SHROOM2: variants seen among roughly 807,000 people sequenced by gnomAD.
The protein encoded by SHROOM2 is protein Shroom2.
A neutral mutation model predicts 75.9 loss-of-function variants in SHROOM2; 33 were observed. The ratio of observed to expected loss-of-function variants is 0.43; its 90% CI spans 0.33 to 0.58. SHROOM2 has a LOEUF of 0.58. SHROOM2 is among the 20% of genes least tolerant of loss of function. SHROOM2 has a pLI of 0.04. For missense variants in SHROOM2, 1,434 were observed against 1,461.2 expected, an observed-to-expected ratio of 0.98 and a Z score of 0.30; for synonymous variants, 655 against 663.6, an observed-to-expected ratio of 0.99 and a Z score of 0.20.
intron 1 of SHROOM2, among the ~76,000 whole-genome samples, chrX:9,828,134 G>T (rs1003384062): frequency 2.7e-5 from 3 of 112,868 alleles, no homozygotes; most frequent in South Asian, 3.6e-4. Context: ...CACATCTTAC[G>T]TGGCAGCAGT....
chrX:9,787,992 C>CTTTTTTTTTTTTTTTTT (rs58004470), intron 1 of SHROOM2, among the ~76,000 whole-genome samples: 85 of 84,194 alleles, frequency 1.0e-3, no homozygotes, highest in African/African-American at 3.4e-3. Flanking sequence ...TTTCTTTCTT[C>CTTTTTTTTTTTTTTTTT]TTTTTTTTTT....
chrX:9,793,578 C>T (rs2083679217), intron 1 of SHROOM2, among the ~76,000 whole-genome samples: 1 of 111,019 alleles, frequency 9.0e-6, no homozygotes, highest in South Asian at 3.8e-4. Context: ...GCATGAGCCA[C>T]TGCGCCTGGC....
At chrX:9,788,420 A>C (rs890513710) in intron 1 of SHROOM2, among the ~76,000 whole-genome samples, 8 of 111,566 alleles carry the variant, frequency 7.2e-5, no homozygotes, top group African/African-American at 2.3e-4. Flanking sequence ...TATGATAATG[A>C]GGGTATCATT....
intron 1 of SHROOM2, among the ~76,000 whole-genome samples, chrX:9,872,574 A>G (rs894770090): frequency 8.9e-6 from 1 of 111,758 alleles, no homozygotes; most frequent in East Asian, 2.8e-4. Flanking sequence ...AAAAAAAAGA[A>G]AAAAGGGAAA....
chrX:9,811,350 G>A (rs754933784), intron 1 of SHROOM2, among the ~76,000 whole-genome samples: 1 of 112,100 alleles, frequency 8.9e-6, no homozygotes, highest in South Asian at 3.7e-4. Context: ...CCCATTGGGC[G>A]ATGACGGGTG....
At position 9,896,712 on chromosome X, in the gene SHROOM2, C is replaced by T; in HGVS notation, c.2790+14C>T. 8.7e-7 allele frequency: 1 copy of T among 1,153,729 alleles called. No homozygotes were observed. The highest frequency in any genetic ancestry group is 1.2e-6 in the Non-Finnish European group (1 of 865,319). ...CACTACAAGCAGGTAAGCATGGAGC[C>T]ACAGCCCCCTTGACCATCATCTTAA... On this transcript the variant is annotated intron_variant, in intron 4 of 9. Transcript: ENST00000380913.
intron 1 of SHROOM2, among the ~76,000 whole-genome samples, chrX:9,794,099 G>A: frequency 8.9e-6 from 1 of 111,949 alleles, no homozygotes; most frequent in East Asian, 2.8e-4. Context: ...TATTTTGGTT[G>A]CTATTGCTAT....
intron 2 of SHROOM2, among the ~76,000 whole-genome samples, chrX:9,881,384 G>A (rs1191802755): frequency 1.8e-5 from 2 of 111,168 alleles, no homozygotes; most frequent in Non-Finnish European, 3.8e-5. Flanking sequence ...AGACACAGAG[G>A]AATGTTCTCT....
rs778266640 is a variant in SHROOM2, at chrX:9,895,857, T to A, written c.1949T>A (p.Leu650Gln). Residue 650 changes from leucine to glutamine, a missense_variant, in exon 4 of 10, where the codon CTG (leucine) becomes CAG (glutamine). Leu to Gln is a moderately radical substitution (Grantham distance 113). Around this residue, in one of 3 missense-constraint regions of SHROOM2, gnomAD observed 1,340 missense variants for 1,338.3 expected, o/e 1.00. Coordinates refer to ENST00000380913, the MANE Select transcript of SHROOM2 (RefSeq NM_001649.4). ...KLQKSRSTVA[L>Q]TAAGEAEDGT... ...CAGAAGAGCCGGAGCACAGTGGCTC[T>A]GACTGCAGCAGGGGAGGCGGAGGAT... is the stretch of plus-strand genomic sequence containing the variant. 9.8e-5 allele frequency: 118 copies of A among 1,203,985 alleles called. No individual in the cohort carries two copies. Among genetic ancestry groups the A allele is most frequent in the Non-Finnish European group, 1.3e-4 (112 of 892,048 alleles).
rs2083613900 is a variant in SHROOM2, at chrX:9,786,516, C to G, written c.-30C>G. 3.6e-6 allele frequency: 3 copies of G among 842,909 alleles called. No individual in the cohort carries two copies. The highest frequency in any genetic ancestry group is 1.4e-4 in the Admixed American group (2 of 14,669). The allele number at this position is 842,909 out of a possible 1,213,427, so 69.5% of individuals were successfully genotyped here. A position where few individuals can be genotyped will look rare whatever the true frequency, so the allele number is the denominator to read the frequency against. On this transcript the variant is annotated 5_prime_UTR_variant, in exon 1 of 10. Coordinates refer to ENST00000380913, the MANE Select transcript of SHROOM2 (RefSeq NM_001649.4). ...GCCGGGACTGCCCGGAGTGCATGGG[C>G]GCGGGCCAGGGACGCTGAGCGGTCG... is the stretch of plus-strand genomic sequence containing the variant.
At chrX:9,914,886 T>C (rs1025579862) in intron 5 of SHROOM2, among the ~76,000 whole-genome samples, 2 of 111,769 alleles carry the variant, frequency 1.8e-5, no homozygotes, top group Non-Finnish European at 3.8e-5. Context: ...AATGTAGAAC[T>C]GGCCCAAGAA....
chrX:9,890,919 C>T lies in SHROOM2; in HGVS notation c.318-58C>T, dbSNP rs184007698. On this transcript the variant is annotated intron_variant, in intron 2 of 9. Coordinates refer to ENST00000380913, the MANE Select transcript of SHROOM2 (RefSeq NM_001649.4). Reference sequence around the variant, plus strand: ...CCCAAGCCCCCTGCACTGTTTGGCACGAGAGTGAGCGCTGTGTGCAGTCCC... The same window carrying T: ...CCCAAGCCCCCTGCACTGTTTGGCATGAGAGTGAGCGCTGTGTGCAGTCCC... 9.0e-5 allele frequency: 102 copies of T among 1,128,908 alleles called. No homozygotes were observed. The South Asian group carries it at 1.8e-3, about 20-fold the overall frequency. The allele number at this position is 1,128,908 out of a possible 1,213,427, so 93.0% of individuals were successfully genotyped here.
At chrX:9,821,542 A>T (rs1283459389) in intron 1 of SHROOM2, among the ~76,000 whole-genome samples, 15 of 111,268 alleles carry the variant, frequency 1.3e-4, no homozygotes, top group African/African-American at 4.9e-4. Context: ...CTTTTCTCCT[A>T]CATGTAATGC....
intron 1 of SHROOM2, among the ~76,000 whole-genome samples, chrX:9,828,248 A>G (rs1042368227): frequency 2.7e-5 from 3 of 112,163 alleles, no homozygotes; most frequent in Non-Finnish European, 1.9e-5. Context: ...TGCCCCCATT[A>G]TCCAATCACC....
chrX:9,881,813 C>G (rs144460186), intron 2 of SHROOM2, among the ~76,000 whole-genome samples: 2,054 of 112,068 alleles, frequency 0.018, 54 homozygotes, highest in African/African-American at 0.062. Context: ...TGTAAAGTCT[C>G]TTTTATTGGT....
At chrX:9,930,012 G>A (rs932859593) in intron 5 of SHROOM2, among the ~76,000 whole-genome samples, 2 of 111,609 alleles carry the variant, frequency 1.8e-5, no homozygotes, top group Non-Finnish European at 3.8e-5. Flanking sequence ...CCAGCCATGT[G>A]GAACTCTAAG....
At chrX:9,842,508 C>A (rs1239336381) in intron 1 of SHROOM2, among the ~76,000 whole-genome samples, 1 of 112,527 alleles carries the variant, frequency 8.9e-6, no homozygotes, top group African/African-American at 3.2e-5. Flanking sequence ...CACACAGCGG[C>A]TGACTTGTCC....
At chrX:9,915,798 T>G (rs1267949390) in intron 5 of SHROOM2, among the ~76,000 whole-genome samples, 3 of 112,302 alleles carry the variant, frequency 2.7e-5, no homozygotes, top group African/African-American at 9.7e-5. Flanking sequence ...AACAATCCAT[T>G]TCCGATTCTG....
intron 5 of SHROOM2, chrX:9,912,908 C>T (rs1040523405): frequency 1.8e-4 from 20 of 111,349 alleles, no homozygotes; most frequent in African/African-American, 5.7e-4. Flanking sequence ...TGCATGTCCT[C>T]GTGGATGCAT....
Sources: allele counts gnomAD v4.1 joint callset (sites outside exome capture counted in the v4.1 genomes callset), GRCh38; gene constraint gnomAD v4.1.1; regional missense constraint gnomAD v4.1.1; transcripts MANE v1.5; gene names NCBI Gene and HGNC (gene_info 2026-07-23, HGNC 2026-07-21).